The following GRIN2A variants were observed in gnomAD, a reference collection of about 807,000 sequenced individuals.
The protein encoded by GRIN2A is glutamate receptor ionotropic, NMDA 2A.
In GRIN2A, 22 loss-of-function variants were observed where a neutral mutation model predicts 113.4. That is an observed-to-expected ratio of 0.19 (90% CI 0.14 to 0.28). GRIN2A has a LOEUF of 0.28. Among genes scored for constraint, GRIN2A ranks in the 10% least tolerant of loss-of-function variants. The probability of loss-of-function intolerance (pLI) is 1.00; values close to 1 mark genes in which losing one functional copy is unlikely to be tolerated. For missense variants in GRIN2A, 1,502 were observed against 1,887.0 expected, an observed-to-expected ratio of 0.80 and a Z score of 3.78; for synonymous variants, 827 against 738.4, an observed-to-expected ratio of 1.12 and a Z score of -1.94.
At chr16:9,948,200 C>G (rs1272238250) in intron 2 of GRIN2A, among the ~76,000 whole-genome samples, 1 of 152,094 alleles carries the variant, frequency 6.6e-6, no homozygotes, top group African/African-American at 2.4e-5. Context: ...ACACAGAGAT[C>G]TTCAAGTGCA....
chr16:9,913,790 G>T (rs2044189571), intron 3 of GRIN2A, among the ~76,000 whole-genome samples: 1 of 152,088 alleles, frequency 6.6e-6, no homozygotes, highest in African/African-American at 2.4e-5. Flanking sequence ...CCTTTGAGAG[G>T]TCATGTTTTG....
rs538997112 is a variant in GRIN2A, at chr16:10,076,182, T to C, written c.414+103816A>G. The stretch of plus-strand genomic sequence containing the variant: ...AAGTGGGTTGAGGATCCCATCCCCA[T>C]AGGCCTTCCTCTGAGTCACTGGTGC... On this transcript the variant is annotated intron_variant, in intron 2 of 12. Coordinates refer to ENST00000330684, the MANE Select transcript of GRIN2A (RefSeq NM_001134407.3). Among the ~76,000 whole-genome samples the C allele has an allele frequency of 2.8e-4, 42 of 152,330 alleles. 1 individual carries two copies. Among genetic ancestry groups the C allele is most frequent in the African/African-American group, 9.6e-4 (40 of 41,576 alleles).
At chr16:9,989,771 A>C (rs990138895) in intron 2 of GRIN2A, among the ~76,000 whole-genome samples, 2 of 152,206 alleles carry the variant, frequency 1.3e-5, no homozygotes, top group Non-Finnish European at 2.9e-5. Context: ...AGTGGTCAGC[A>C]AACATGAAAA....
chr16:9,951,344 C>T (rs549761817), intron 2 of GRIN2A, among the ~76,000 whole-genome samples: 118 of 152,284 alleles, frequency 7.7e-4, no homozygotes, highest in African/African-American at 2.6e-3. Flanking sequence ...TATGGGCATC[C>T]GATTTATTCA....
intron 2 of GRIN2A, among the ~76,000 whole-genome samples, chr16:10,078,129 A>G (rs1018895266): frequency 2.0e-5 from 3 of 152,230 alleles, no homozygotes; most frequent in African/African-American, 7.2e-5. Context: ...CAATGCCTCA[A>G]TAAAGCTGTT....
intron 2 of GRIN2A, among the ~76,000 whole-genome samples, chr16:10,079,851 T>TA (rs1567283721): frequency 6.6e-6 from 1 of 152,232 alleles, no homozygotes; most frequent in East Asian, 1.9e-4. Flanking sequence ...AGAAGGTTGC[T>TA]ATGATAACGC....
intron 2 of GRIN2A, among the ~76,000 whole-genome samples, chr16:9,952,517 G>C (rs996216784): frequency 3.9e-5 from 6 of 152,266 alleles, no homozygotes; most frequent in South Asian, 4.1e-4. Flanking sequence ...GGCAGGGCCC[G>C]AGGGTAGGTC....
chr16:10,127,859 T>C (rs531487539), intron 2 of GRIN2A, among the ~76,000 whole-genome samples: 30 of 151,998 alleles, frequency 2.0e-4, no homozygotes, highest in Non-Finnish European at 2.9e-4. Context: ...CCTTGGTGTC[T>C]TACTAAGCCC....
At chr16:10,071,947 G>T (rs961293348) in intron 2 of GRIN2A, among the ~76,000 whole-genome samples, 7 of 152,186 alleles carry the variant, frequency 4.6e-5, no homozygotes, top group African/African-American at 1.7e-4. Flanking sequence ...TGGGTAGGTT[G>T]CCCACCTAAG....
chr16:10,032,165 A>G lies in GRIN2A; in HGVS notation c.415-93614T>C, dbSNP rs141322939. 1.2e-4 allele frequency among the ~76,000 whole-genome samples: 19 copies of G among 152,366 alleles called. No homozygotes were observed. In the East Asian group the frequency reaches 3.3e-3, roughly 26 times the overall value. On this transcript the variant is annotated intron_variant, in intron 2 of 12. Transcript: ENST00000330684. ...TTGGACCCCATTTTATGCTGAGCCT[A>G]GCATATAGTAGGCTTTCAAGAAATC...
At position 9,764,871 on chromosome 16, in the gene GRIN2A, C is replaced by T. The variant is rs760276946; in HGVS notation, c.2673G>A (p.Gln891=). 1.2e-6 allele frequency: 2 copies of T among 1,614,152 alleles called. No individual in the cohort carries two copies. The highest frequency in any genetic ancestry group is 2.2e-5 in the South Asian group (2 of 91,086). The change falls in exon 13 of 13, where the codon CAG becomes CAA. Residue 891 remains glutamine (Q), a synonymous_variant. Transcript: ENST00000330684. The part of the protein sequence containing the change: ...KSPDFNLTGS[Q]SNMLKLLRSA... ...ACCGGAGGAGTTTTAACATGTTGCT[C>T]TGGGATCCCGTCAGATTGAAGTCTG...
chr16:9,948,223 T>C (rs2045069425), intron 2 of GRIN2A, among the ~76,000 whole-genome samples: 1 of 152,232 alleles, frequency 6.6e-6, no homozygotes, highest in Non-Finnish European at 1.5e-5. Context: ...TATTTAATCC[T>C]CACACTAATG....
At chr16:9,846,463 C>A (rs1175754494) in intron 5 of GRIN2A, among the ~76,000 whole-genome samples, 2 of 152,158 alleles carry the variant, frequency 1.3e-5, no homozygotes, top group Non-Finnish European at 2.9e-5. Flanking sequence ...AAATCCTGAT[C>A]TCAAGGACTG....
intron 2 of GRIN2A, among the ~76,000 whole-genome samples, chr16:9,971,544 G>C (rs921854037): frequency 2.0e-5 from 3 of 152,190 alleles, no homozygotes; most frequent in Non-Finnish European, 4.4e-5. Context: ...AATGATTCTT[G>C]TTTCTAGCTC....
At chr16:10,036,833 T>C (rs573581637) in intron 2 of GRIN2A, among the ~76,000 whole-genome samples, 1 of 152,140 alleles carries the variant, frequency 6.6e-6, no homozygotes, top group Non-Finnish European at 1.5e-5. Context: ...CCCCTTTTTA[T>C]AAGGACACCA....
At chr16:9,870,203 T>G (rs113573738) in intron 4 of GRIN2A, among the ~76,000 whole-genome samples, 3,556 of 152,288 alleles carry the variant, frequency 0.023, 126 homozygotes, top group African/African-American at 0.076. Context: ...GGCAATTATT[T>G]TTAATTCCAT....
At chr16:9,765,225 C>A (rs1900839652) in intron 12 of GRIN2A, among the ~76,000 whole-genome samples, 2 of 152,194 alleles carry the variant, frequency 1.3e-5, no homozygotes, top group African/African-American at 4.8e-5. Context: ...GATGCTCATA[C>A]AACTGTCAAT....
chr16:10,019,803 G>A (rs1019540780), intron 2 of GRIN2A, among the ~76,000 whole-genome samples: 1 of 152,208 alleles, frequency 6.6e-6, no homozygotes, highest in Non-Finnish European at 1.5e-5. Context: ...ATGTAGATAT[G>A]TTGACCAAAG....
At chr16:9,988,264 TA>T (rs1050675036) in intron 2 of GRIN2A, among the ~76,000 whole-genome samples, 4 of 117,248 alleles carry the variant, frequency 3.4e-5, no homozygotes, top group African/African-American at 1.3e-4. Context: ...AAGAGATCCA[TA>T]GGGGTGTGTG....
Sources: allele counts gnomAD v4.1 joint callset (sites outside exome capture counted in the v4.1 genomes callset), GRCh38; gene constraint gnomAD v4.1.1; transcripts MANE v1.5; gene names NCBI Gene and HGNC (gene_info 2026-07-23, HGNC 2026-07-21).